ZNF280D: variants seen among roughly 807,000 people sequenced by gnomAD.
ZNF280D encodes the protein zinc finger protein 280D, also known as suppressor of hairy wing homolog 4.
Under a neutral mutation model 94.7 loss-of-function variants are expected in ZNF280D, and 39 were observed. The ratio of observed to expected loss-of-function variants is 0.41; its 90% CI spans 0.32 to 0.54. The LOEUF (loss-of-function observed/expected upper bound fraction) is 0.54, where lower values mean the gene tolerates loss of function less well. Among genes scored for constraint, ZNF280D ranks in the 20% least tolerant of loss-of-function variants. The probability of loss-of-function intolerance (pLI) is 0.22; values close to 1 mark genes in which losing one functional copy is unlikely to be tolerated. For synonymous variants in ZNF280D, 398 were observed against 377.6 expected (o/e 1.05, Z -0.63); for missense variants, 1,090 against 1,149.3 (o/e 0.95, Z 0.75).
At chr15:56,679,539 A>G (rs773715113) in intron 10 of ZNF280D, among the ~76,000 whole-genome samples, 5 of 152,198 alleles carry the variant, frequency 3.3e-5, no homozygotes, top group Admixed American at 6.5e-5. Context: ...CAGCTTCCCT[A>G]ATAGGCTTCT....
chr15:56,719,533 C>A (rs1229749211), intron 1 of ZNF280D, among the ~76,000 whole-genome samples: 1 of 152,034 alleles, frequency 6.6e-6, no homozygotes, highest in Non-Finnish European at 1.5e-5. Context: ...GCCAAATAAA[C>A]CTTTTTTCTT....
intron 13 of ZNF280D, among the ~76,000 whole-genome samples, chr15:56,672,780 G>A (rs1013368156): frequency 6.6e-6 from 1 of 151,904 alleles, no homozygotes; most frequent in Non-Finnish European, 1.5e-5. Flanking sequence ...ATAAATGAAA[G>A]TTCTTTATAA....
At chr15:56,644,763 C>T (rs1389183496) in intron 19 of ZNF280D, among the ~76,000 whole-genome samples, 1 of 152,106 alleles carries the variant, frequency 6.6e-6, no homozygotes, top group African/African-American at 2.4e-5. Flanking sequence ...AGAGGAAACA[C>T]AGTCCTCTTG....
chr15:56,676,855 T>A, intron 12 of ZNF280D, 39 bp from the exon 13 acceptor site: 1 of 1,427,220 alleles, frequency 7.0e-7, no homozygotes, highest in Non-Finnish European at 9.7e-7. Flanking sequence ...CTTGAAAATT[T>A]AAAACTGATA....
intron 1 of ZNF280D, among the ~76,000 whole-genome samples, chr15:56,719,015 A>T (rs1467562337): frequency 6.6e-6 from 1 of 152,138 alleles, no homozygotes; most frequent in Non-Finnish European, 1.5e-5. Flanking sequence ...TCCTTAAATA[A>T]TGTAAAAACA....
chr15:56,701,175 C>T lies in ZNF280D; in HGVS notation c.239G>A (p.Arg80Gln), dbSNP rs755149652. ...SRGLKNGALS[R>Q]GITAAFKPTS... ...AAAATAGTATAATAATACTGTACCT[C>T]GACTGAGTGCACCATTCTTTAGTCC... Residue 80 changes from arginine to glutamine, a missense_variant and splice_region_variant, in exon 5 of 22, where the codon CGA (arginine) becomes CAA (glutamine). Physicochemically the swap from Arg to Gln is conservative, Grantham distance 43. Around this residue, in one of 3 missense-constraint regions of ZNF280D, gnomAD observed 386 missense variants for 372.0 expected, o/e 1.04. Coordinates refer to ENST00000267807, the MANE Select transcript of ZNF280D (RefSeq NM_017661.4). 18 of 1,594,512 alleles carry T rather than the reference C, an allele frequency of 1.1e-5. No individual in the cohort carries two copies. The highest frequency in any genetic ancestry group is 2.3e-5 in the East Asian group (1 of 42,622).
At position 56,700,245 on chromosome 15, in the gene ZNF280D, T is replaced by A; in HGVS notation, c.381+688A>T. On this transcript the variant is annotated intron_variant, in intron 6 of 21. Transcript: ENST00000267807. ...CATATAAACTATGGGTTAGGCTGGA[T>A]TGAAATCCCAGATCCATCAACTGCC... The A allele has an allele frequency of 3.4e-6, 3 of 881,442 alleles. No individual in the cohort carries two copies. In the South Asian group the frequency reaches 1.6e-4, roughly 46 times the overall value. 54.6% of individuals were successfully genotyped at this position (881,442 alleles called of 1,614,324 possible).
At chr15:56,685,537 A>C (rs1340510301) in intron 9 of ZNF280D, among the ~76,000 whole-genome samples, 3 of 152,192 alleles carry the variant, frequency 2.0e-5, no homozygotes, top group African/African-American at 7.2e-5. Context: ...ATATAGGTAT[A>C]GACATTTTGA....
At chr15:56,650,431 C>T (rs2053140761) in intron 19 of ZNF280D, among the ~76,000 whole-genome samples, 1 of 152,066 alleles carries the variant, frequency 6.6e-6, no homozygotes, top group South Asian at 2.1e-4. Flanking sequence ...GTAACTGTAC[C>T]TTAAATAAAG....
intron 21 of ZNF280D, among the ~76,000 whole-genome samples, chr15:56,633,486 C>A (rs915488789): frequency 6.6e-6 from 1 of 151,572 alleles, no homozygotes; most frequent in African/African-American, 2.4e-5. Context: ...AATCTAATAT[C>A]TTTTTATCTT....
At chr15:56,685,812 A>T (rs1267200393) in intron 9 of ZNF280D, among the ~76,000 whole-genome samples, 1 of 152,156 alleles carries the variant, frequency 6.6e-6, no homozygotes, top group Admixed American at 6.5e-5. Context: ...AAAGGCTTTT[A>T]AAAAAGAGAG....
intron 19 of ZNF280D, among the ~76,000 whole-genome samples, chr15:56,644,597 C>G (rs1460444083): frequency 6.6e-6 from 1 of 152,018 alleles, no homozygotes; most frequent in Non-Finnish European, 1.5e-5. Flanking sequence ...CTCAACTTAT[C>G]GTAGTAAATG....
intron 19 of ZNF280D, 86 bp from the exon 20 acceptor site, chr15:56,643,083 T>C (rs2052709968): frequency 1.2e-6 from 1 of 858,810 alleles, no homozygotes; most frequent in Non-Finnish European, 1.7e-6. Context: ...CAGCCTAAAA[T>C]AATTAAAATG....
At chr15:56,730,157 TTG>T (rs1273373757) in intron 1 of ZNF280D, 1 of 152,160 alleles carries the variant, frequency 6.6e-6, no homozygotes, top group Admixed American at 6.5e-5. Context: ...ATCCTTAAAA[TTG>T]CTCTGGAGAA....
At chr15:56,709,622 A>G (rs11852822) in intron 1 of ZNF280D, among the ~76,000 whole-genome samples, 34,712 of 152,060 alleles carry the variant, frequency 0.23, 4,410 homozygotes, top group Middle Eastern at 0.34. Context: ...ATGTCCATCA[A>G]CGATAGATTG....
intron 1 of ZNF280D, 131 bp downstream of exon 1, chr15:56,733,327 G>A: frequency 2.4e-6 from 1 of 418,138 alleles, no homozygotes; most frequent in Non-Finnish European, 3.2e-6. Flanking sequence ...CCCGCGCTCT[G>A]GGCGCTCCCG....
intron 19 of ZNF280D, 44 bp from the exon 20 acceptor site, chr15:56,643,041 G>C: frequency 1.6e-6 from 2 of 1,270,242 alleles, no homozygotes; most frequent in Non-Finnish European, 2.1e-6. Flanking sequence ...TTATATGTAC[G>C]ATGGTAAAAT....
chr15:56,702,023 C>CAAAAAAAAAA (rs36004101), intron 4 of ZNF280D, among the ~76,000 whole-genome samples: 1 of 128,608 alleles, frequency 7.8e-6, no homozygotes. Flanking sequence ...AAAAAGCACC[C>CAAAAAAAAAA]AAAAAAAAAA....
intron 17 of ZNF280D, among the ~76,000 whole-genome samples, chr15:56,656,430 A>G (rs1315657074): frequency 2.0e-5 from 3 of 152,140 alleles, no homozygotes; most frequent in Non-Finnish European, 4.4e-5. Flanking sequence ...TAAACACACA[A>G]CTGAGCTTGA....
Sources: allele counts gnomAD v4.1 joint callset (sites outside exome capture counted in the v4.1 genomes callset), GRCh38; gene constraint gnomAD v4.1.1; regional missense constraint gnomAD v4.1.1; transcripts MANE v1.5; gene names NCBI Gene and HGNC (gene_info 2026-07-23, HGNC 2026-07-21).